ANKH: variants seen among roughly 807,000 people sequenced by gnomAD.
ANKH encodes the protein mineralization regulator ANKH.
Under a neutral mutation model 49.0 loss-of-function variants are expected in ANKH, and 15 were observed. The observed-to-expected ratio is 0.31, with a 90% CI of 0.20 to 0.47. ANKH has a LOEUF of 0.47. Among genes scored for constraint, ANKH ranks in the 20% least tolerant of loss-of-function variants. The pLI is 1.00. For missense variants in ANKH, 429 were observed against 652.0 expected (o/e 0.66, Z 3.72); for synonymous variants, 273 against 260.0 (o/e 1.05, Z -0.48).
rs1736906800 is a variant in ANKH at position 14,705,297 on chromosome 5, ATC to A, written c.*5898_*5899del. 6.6e-6 allele frequency: 1 copy of A among 152,190 alleles called. No homozygotes were observed. Among genetic ancestry groups the A allele is most frequent in the Admixed American group, 6.5e-5 (1 of 15,282 alleles). 9.4% of individuals were successfully genotyped at this position (152,190 alleles called of 1,614,324 possible). On this transcript the variant is annotated 3_prime_UTR_variant, in exon 12 of 12. Coordinates refer to ENST00000284268, the MANE Select transcript of ANKH (RefSeq NM_054027.6). ...CTTAATTTTGTTTAAAAAAAAAAAA[ATC>A]TAGATCACTGCTAATGTTCAGATCT...
chr5:14,743,195 A>C (rs1261739118), intron 7 of ANKH, among the ~76,000 whole-genome samples: 1 of 152,226 alleles, frequency 6.6e-6, no homozygotes, highest in African/African-American at 2.4e-5. Flanking sequence ...ATGGCAAAGT[A>C]CAAGTCCCAG....
chr5:14,754,326 G>A (rs1337950069), intron 4 of ANKH, among the ~76,000 whole-genome samples: 1 of 145,842 alleles, frequency 6.9e-6, no homozygotes, highest in African/African-American at 2.6e-5. Context: ...TTTAGGCAAA[G>A]TTAAGAGTTT....
At position 14,770,358 on chromosome 5, in the gene ANKH, G is replaced by T. The variant is rs1216857497; in HGVS notation, c.97-1167C>A. Among the ~76,000 whole-genome samples, 1 of 152,078 alleles carries T rather than the reference G, an allele frequency of 6.6e-6. No homozygotes were observed. Among genetic ancestry groups the T allele is most frequent in the African/African-American group, 2.4e-5 (1 of 41,400 alleles). ...CAGTAGTCCCCCCTTATCCTTAGGG[G>T]ATACATTCTAAGACCCCCAGTGAAT... On this transcript the variant is annotated intron_variant, in intron 1 of 11. Transcript: ENST00000284268. The surrounding 1 kb of genome is among the most constrained non-coding windows in gnomAD (Gnocchi z 4.1).
Position 14,762,735 on chromosome 5 carries a change from G to A in ANKH, c.314-4137C>T, listed in dbSNP as rs951902195. ...GAGCTATTTCCAGCTAGAGCTATTG[G>A]GGGGGTGGGGGGGTAATTTGTTTAA... is the stretch of plus-strand genomic sequence containing the variant. On this transcript the variant is annotated intron_variant, in intron 2 of 11. Coordinates refer to ENST00000284268, the MANE Select transcript of ANKH (RefSeq NM_054027.6). 4.1e-5 allele frequency among the ~76,000 whole-genome samples: 4 copies of A among 97,874 alleles called. No individual in the cohort carries two copies. The East Asian group carries it at 5.8e-4, about 14-fold the overall frequency. The allele number at this position is 97,874 out of a possible 152,430, so 64.2% of individuals were successfully genotyped here. A position where few individuals can be genotyped will look rare whatever the true frequency, so the allele number is the denominator to read the frequency against.
At chr5:14,830,986 C>T (rs1440454636) in intron 1 of ANKH, among the ~76,000 whole-genome samples, 1 of 152,152 alleles carries the variant, frequency 6.6e-6, no homozygotes, top group Non-Finnish European at 1.5e-5. Context: ...CTCAGTATGC[C>T]TTCATAGAAA....
intron 1 of ANKH, among the ~76,000 whole-genome samples, chr5:14,837,558 T>C (rs894111170): frequency 1.4e-4 from 21 of 152,128 alleles, no homozygotes; most frequent in African/African-American, 4.1e-4. Flanking sequence ...GAAATGCAAA[T>C]CAAAACCACA....
intron 1 of ANKH, among the ~76,000 whole-genome samples, chr5:14,858,754 TAA>T (rs1299521349): frequency 2.1e-5 from 2 of 96,238 alleles, no homozygotes; most frequent in African/African-American, 4.5e-5. Context: ...AATAAATAAA[TAA>T]ATAAAATAAA....
chr5:14,850,197 C>T (rs574409493), intron 1 of ANKH, among the ~76,000 whole-genome samples: 2 of 152,334 alleles, frequency 1.3e-5, no homozygotes, highest in South Asian at 2.1e-4. Flanking sequence ...CCACTCCCAC[C>T]GGCTTCCAGA....
chr5:14,742,719 T>C (rs1324419918), intron 7 of ANKH, among the ~76,000 whole-genome samples: 1 of 152,202 alleles, frequency 6.6e-6, no homozygotes, highest in African/African-American at 2.4e-5. Context: ...CTTGAATCAC[T>C]CAGCACAACA....
chr5:14,831,374 T>G (rs1270943359), intron 1 of ANKH, among the ~76,000 whole-genome samples: 1 of 152,208 alleles, frequency 6.6e-6, no homozygotes, highest in African/African-American at 2.4e-5. Flanking sequence ...TTGCCTCTCT[T>G]AGCTAAGTCA....
intron 2 of ANKH, among the ~76,000 whole-genome samples, chr5:14,759,905 G>C (rs924279601): frequency 5.3e-5 from 8 of 151,948 alleles, no homozygotes; most frequent in Admixed American, 3.9e-4. Flanking sequence ...ATAATCTTCA[G>C]GTTTTTCACA....
intron 1 of ANKH, among the ~76,000 whole-genome samples, chr5:14,864,143 T>C (rs1735578750): frequency 6.6e-6 from 1 of 152,196 alleles, no homozygotes; most frequent in Admixed American, 6.5e-5. Context: ...AGCCCCGGAA[T>C]TTGAGGCTGC....
chr5:14,805,833 G>A (rs1396233166), intron 1 of ANKH, among the ~76,000 whole-genome samples: 1 of 152,106 alleles, frequency 6.6e-6, no homozygotes, highest in African/African-American at 2.4e-5. Flanking sequence ...ACACTGGAGA[G>A]CATGCACTGC....
At chr5:14,744,755 A>G (rs1473066550) in intron 7 of ANKH, among the ~76,000 whole-genome samples, 1 of 152,248 alleles carries the variant, frequency 6.6e-6, no homozygotes, top group East Asian at 1.9e-4. Context: ...GGGGGTCCCC[A>G]GGTCCCTGCT....
chr5:14,792,233 G>T (rs549353714), intron 1 of ANKH, among the ~76,000 whole-genome samples: 1 of 152,184 alleles, frequency 6.6e-6, no homozygotes, highest in Non-Finnish European at 1.5e-5. Flanking sequence ...CTGGGCAGGG[G>T]AATTGAGATT....
At chr5:14,848,771 C>G (rs939732653) in intron 1 of ANKH, among the ~76,000 whole-genome samples, 13 of 152,362 alleles carry the variant, frequency 8.5e-5, no homozygotes, top group Non-Finnish European at 1.9e-4. Flanking sequence ...AGCTATAACA[C>G]TCACCGCATG....
In ANKH at chr5:14,713,645, G is replaced by A. The variant is rs112486043; in HGVS notation, c.1164C>T (p.Thr388=). The A allele has an allele frequency of 3.7e-5, 59 of 1,614,132 alleles. 1 individual carries two copies. Among genetic ancestry groups the A allele is most frequent in the South Asian group, 2.1e-4 (19 of 91,086 alleles). ...TTTTCTTCAGTGTCATCAGCCACCCGGTGAGATGCGCCCTCACTGTGACTG... is the reference window on the plus strand; with the variant it reads ...TTTTCTTCAGTGTCATCAGCCACCCAGTGAGATGCGCCCTCACTGTGACTG... The part of the protein sequence containing the change: ...PVPVTVRAHL[T]GWLMTLKKTF... The change falls in exon 10 of 12, where the codon ACC becomes ACT. Residue 388 remains threonine, a synonymous_variant. Coordinates refer to ENST00000284268, the MANE Select transcript of ANKH (RefSeq NM_054027.6). The surrounding 1 kb of genome is among the most constrained non-coding windows in gnomAD (Gnocchi z 4.4).
intron 2 of ANKH, among the ~76,000 whole-genome samples, chr5:14,759,971 C>G (rs78524606): frequency 0.01 from 1,570 of 152,174 alleles, 30 homozygotes; most frequent in African/African-American, 0.036. Context: ...TCTCTTACAA[C>G]TATGGATATT....
chr5:14,793,068 TAAATATATAA>T (rs70964570), intron 1 of ANKH, among the ~76,000 whole-genome samples: 3 of 91,864 alleles, frequency 3.3e-5, no homozygotes, highest in Admixed American at 1.5e-4. Flanking sequence ...AAAATATATA[TAAATATATAA>T]AAATATATAT....
Sources: gnomAD v4.1 joint callset for allele counts (sites outside exome capture counted in the v4.1 genomes callset) on GRCh38, gnomAD v4.1.1 for gene constraint, Gnocchi (gnomAD v3.1) non-coding constraint, MANE v1.5 for transcripts, NCBI Gene and HGNC (gene_info 2026-07-23, HGNC 2026-07-21) for gene names.